SLC2A9: variants seen among roughly 807,000 people sequenced by gnomAD.
SLC2A9 encodes solute carrier family 2 member 9.
SLC2A9 carries 39 observed loss-of-function variants against 50.6 expected under a neutral mutation model. That is an observed-to-expected ratio of 0.77 (90% CI 0.60 to 1.01). The LOEUF (loss-of-function observed/expected upper bound fraction) is 1.01, where lower values mean the gene tolerates loss of function less well. Among genes scored for constraint, SLC2A9 ranks in the 50% least tolerant of loss-of-function variants. The pLI, the probability that SLC2A9 is intolerant of heterozygous loss-of-function variation, is 0.00. For missense variants in SLC2A9, 686 were observed against 677.6 expected (o/e 1.01, Z -0.14); for synonymous variants, 324 against 276.9 (o/e 1.17, Z -1.69).
intron 3 of SLC2A9, among the ~76,000 whole-genome samples, chr4:9,816,509 C>G (rs2109018358): frequency 6.6e-6 from 1 of 152,022 alleles, no homozygotes; most frequent in Non-Finnish European, 1.5e-5. Context: ...TGAAATTTGC[C>G]AAGAGGGTAG....
chr4:9,783,248 G>A (rs370199592), intron 3 of SLC2A9: 3 of 1,614,040 alleles, frequency 1.9e-6, no homozygotes, highest in Non-Finnish European at 2.5e-6. Context: ...CAAGGAAATC[G>A]CAGCTGCCTA....
rs989705565 is a variant in SLC2A9, at chr4:9,924,310, C to A, written c.815-3738G>T. Reference sequence around the variant, plus strand: ...TCCTACACCCAGCACCCGTGCCTCTCCGCCTGCGGCTTTCCCTGGGCACAG... The same window carrying A: ...TCCTACACCCAGCACCCGTGCCTCTACGCCTGCGGCTTTCCCTGGGCACAG... On this transcript the variant is annotated intron_variant, in intron 6 of 11. Coordinates refer to ENST00000264784, the MANE Select transcript of SLC2A9 (RefSeq NM_020041.3). Among the ~76,000 whole-genome samples, 4 of 152,220 alleles carry A rather than the reference C, an allele frequency of 2.6e-5. No homozygotes were observed. The East Asian group carries it at 7.7e-4, about 29-fold the overall frequency.
chr4:9,985,939 C>A (rs1756641831), intron 3 of SLC2A9, 146 bp from the exon 4 acceptor site: 1 of 1,164,448 alleles, frequency 8.6e-7, no homozygotes. Flanking sequence ...GCCTTGCCAC[C>A]TCTGGCTGTG....
chr4:9,997,016 A>G (rs1758799772), intron 2 of SLC2A9, 75 bp from the exon 3 acceptor site: 4 of 1,557,550 alleles, frequency 2.6e-6, no homozygotes, highest in Admixed American at 1.7e-5. Flanking sequence ...TGTACAAAAC[A>G]AAACAGCTTG....
intron 5 of SLC2A9, among the ~76,000 whole-genome samples, chr4:9,954,140 G>A (rs1560377488): frequency 6.6e-6 from 1 of 152,098 alleles, no homozygotes; most frequent in Non-Finnish European, 1.5e-5. Context: ...GTTTTGCCAT[G>A]TTGCCCAGGC....
intron 10 of SLC2A9, among the ~76,000 whole-genome samples, chr4:9,849,243 C>T (rs757427666): frequency 3.9e-5 from 6 of 152,018 alleles, no homozygotes; most frequent in South Asian, 2.1e-4. Flanking sequence ...AAAGTGTCCC[C>T]GATGCAGAGT....
chr4:9,916,308 G>A (rs1048564368), intron 7 of SLC2A9, among the ~76,000 whole-genome samples: 16 of 152,278 alleles, frequency 1.1e-4, no homozygotes, highest in African/African-American at 3.8e-4. Context: ...GCAGTCCACC[G>A]CCGGTGAGCA....
At chr4:9,921,300 A>AT (rs573567024) in intron 6 of SLC2A9, among the ~76,000 whole-genome samples, 1,904 of 150,356 alleles carry the variant, frequency 0.013, 33 homozygotes, top group African/African-American at 0.043. Context: ...AGAACCCATC[A>AT]TTTTTTTTTT....
chr4:9,773,482 T>G (rs965860082), intron 1 of SLC2A9, among the ~76,000 whole-genome samples: 3 of 152,236 alleles, frequency 2.0e-5, no homozygotes, highest in Non-Finnish European at 4.4e-5. Context: ...TTAAAATACA[T>G]CTTCAGAAGA....
chr4:9,909,057 T>G (rs1388110357), intron 7 of SLC2A9, among the ~76,000 whole-genome samples: 4 of 152,196 alleles, frequency 2.6e-5, no homozygotes, highest in Non-Finnish European at 1.5e-5. Flanking sequence ...ACAAAACGCT[T>G]TACTGTCATC....
At chr4:9,804,637 T>C (rs1434253602) in intron 3 of SLC2A9, among the ~76,000 whole-genome samples, 1 of 152,216 alleles carries the variant, frequency 6.6e-6, no homozygotes, top group East Asian at 1.9e-4. Flanking sequence ...ATCCTGTCTT[T>C]GGCCAAATGC....
intron 3 of SLC2A9, among the ~76,000 whole-genome samples, chr4:9,988,238 G>C (rs1051356269): frequency 6.6e-6 from 1 of 152,206 alleles, no homozygotes; most frequent in African/African-American, 2.4e-5. Context: ...AGAGTGAGTT[G>C]GTGGGATTTG....
intron 2 of SLC2A9, among the ~76,000 whole-genome samples, chr4:9,999,516 G>C (rs548056887): frequency 4.6e-5 from 7 of 152,182 alleles, no homozygotes; most frequent in African/African-American, 1.7e-4. Flanking sequence ...CAGGCAGAGG[G>C]AGAATTATGC....
chr4:9,823,384 C>A (rs1242840085), downstream of SLC2A9, among the ~76,000 whole-genome samples: 4 of 152,176 alleles, frequency 2.6e-5, no homozygotes, highest in Non-Finnish European at 5.9e-5. Flanking sequence ...AAATGTCTGT[C>A]TCTCTAACTC....
At chr4:9,881,560 TA>T (rs1735216188) in intron 10 of SLC2A9, among the ~76,000 whole-genome samples, 1 of 152,200 alleles carries the variant, frequency 6.6e-6, no homozygotes, top group South Asian at 2.1e-4. Flanking sequence ...GAAAATATAT[TA>T]GGCTTTTCAG....
At chr4:9,888,364 G>C (rs1736698366) in intron 9 of SLC2A9, among the ~76,000 whole-genome samples, 1 of 151,562 alleles carries the variant, frequency 6.6e-6, no homozygotes, top group African/African-American at 2.4e-5. Flanking sequence ...TCTTAGTTCT[G>C]ATATTATTAC....
At chr4:9,793,818 C>A (rs1487686620) in intron 3 of SLC2A9, among the ~76,000 whole-genome samples, 1 of 152,194 alleles carries the variant, frequency 6.6e-6, no homozygotes, top group Non-Finnish European at 1.5e-5. Context: ...GCCTTTGTTG[C>A]TGCAAGCCCC....
chr4:9,985,895 A>G, intron 3 of SLC2A9, 102 bp from the exon 4 acceptor site: 1 of 1,528,638 alleles, frequency 6.5e-7, no homozygotes, highest in South Asian at 1.1e-5. Context: ...AAGGGTGAGT[A>G]GAGCAAGACT....
chr4:9,847,983 C>A (rs1172259354), intron 10 of SLC2A9, among the ~76,000 whole-genome samples: 1 of 152,094 alleles, frequency 6.6e-6, no homozygotes. Flanking sequence ...CTTAGGGACC[C>A]CCTAGGCCAG....
Sources: gnomAD v4.1 joint callset for allele counts (sites outside exome capture counted in the v4.1 genomes callset) on GRCh38, gnomAD v4.1.1 for gene constraint, MANE v1.5 for transcripts, NCBI Gene and HGNC (gene_info 2026-07-23, HGNC 2026-07-21) for gene names.